Variants in PRKG1 observed in about 807,000 individuals in gnomAD.
PRKG1 encodes protein kinase cGMP-dependent 1, also known as cGMP-dependent protein kinase 1.
In PRKG1, 35 loss-of-function variants were observed where a neutral mutation model predicts 88.1. That is an observed-to-expected ratio of 0.40 (90% CI 0.30 to 0.53). The LOEUF (loss-of-function observed/expected upper bound fraction) is 0.53, where lower values mean the gene tolerates loss of function less well. Among genes scored for constraint, PRKG1 ranks in the 20% least tolerant of loss-of-function variants. The probability of loss-of-function intolerance (pLI) is 0.59; values close to 1 mark genes in which losing one functional copy is unlikely to be tolerated. For synonymous variants in PRKG1, 303 were observed against 292.5 expected, an observed-to-expected ratio of 1.04 and a Z score of -0.37; for missense variants, 540 against 839.8, an observed-to-expected ratio of 0.64 and a Z score of 4.41.
intron 2 of PRKG1, among the ~76,000 whole-genome samples, chr10:51,181,186 C>T (rs60615180): frequency 0.12 from 17,603 of 148,772 alleles, 1,230 homozygotes; most frequent in Middle Eastern, 0.27. Context: ...CCTGAAACAG[C>T]ACTTTGCAAA....
At chr10:51,804,736 A>G in intron 4 of PRKG1, 46 bp downstream of exon 4, 1 of 1,366,778 alleles carries the variant, frequency 7.3e-7, no homozygotes, top group Non-Finnish European at 1.0e-6. Flanking sequence ...CTTTCCTTTT[A>G]GCCCTATTAT....
intron 9 of PRKG1, among the ~76,000 whole-genome samples, chr10:52,239,365 C>CTT (rs5784913): frequency 6.9e-6 from 1 of 144,742 alleles, no homozygotes; most frequent in Non-Finnish European, 1.5e-5. Context: ...AAAGAGATTC[C>CTT]TTTTTTTGAG....
At chr10:51,746,487 C>A (rs900682716) in intron 3 of PRKG1, among the ~76,000 whole-genome samples, 1 of 151,748 alleles carries the variant, frequency 6.6e-6, no homozygotes, top group African/African-American at 2.4e-5. Context: ...TTTGGGAGGC[C>A]GAGGCGGGCA....
At chr10:51,741,286 G>C (rs1837427016) in intron 3 of PRKG1, among the ~76,000 whole-genome samples, 1 of 151,980 alleles carries the variant, frequency 6.6e-6, no homozygotes, top group African/African-American at 2.4e-5. Context: ...TTACTATTGG[G>C]AGCTCTGCAT....
chr10:51,680,960 A>T (rs1589191702), intron 3 of PRKG1, among the ~76,000 whole-genome samples: 1 of 152,194 alleles, frequency 6.6e-6, no homozygotes, highest in African/African-American at 2.4e-5. Context: ...TTATGTAAGG[A>T]TCTATTAAAA....
chr10:52,052,686 C>T (rs1360152872), intron 5 of PRKG1, among the ~76,000 whole-genome samples: 3 of 152,092 alleles, frequency 2.0e-5, no homozygotes, highest in Non-Finnish European at 4.4e-5. Flanking sequence ...GAGGAAACCC[C>T]TTATAAAACC....
chr10:52,243,727 G>A (rs531218056), intron 9 of PRKG1, among the ~76,000 whole-genome samples: 1 of 152,090 alleles, frequency 6.6e-6, no homozygotes. Flanking sequence ...TCTTCACAAA[G>A]AATCAGCCAG....
At chr10:51,841,654 A>T (rs1050872338) in intron 4 of PRKG1, among the ~76,000 whole-genome samples, 27 of 21,690 alleles carry the variant, frequency 1.2e-3, no homozygotes, top group Non-Finnish European at 2.0e-3. Flanking sequence ...GAATTTGTTA[A>T]AAAAAAAAGA....
intron 7 of PRKG1, among the ~76,000 whole-genome samples, chr10:52,082,179 C>T (rs968911259): frequency 2.0e-5 from 3 of 152,026 alleles, no homozygotes; most frequent in Admixed American, 2.0e-4. Context: ...GACTCAGTAT[C>T]GAAAGAACAG....
chr10:52,297,311 T>C lies in PRKG1; in HGVS notation c.*3411T>C, dbSNP rs1484889558. 2 of 152,230 alleles carry C rather than the reference T, an allele frequency of 1.3e-5. No individual in the cohort carries two copies. Among genetic ancestry groups the C allele is most frequent in the South Asian group, 2.1e-4 (1 of 4,830 alleles). 9.4% of individuals were successfully genotyped at this position (152,230 alleles called of 1,614,324 possible). ...TGTCAACTGTACTGTTATTCATCTG[T>C]CCCATAGTTTAGAACATGACCTGGC... On this transcript the variant is annotated 3_prime_UTR_variant, in exon 18 of 18. Transcript: ENST00000373980.
chr10:51,813,258 TG>T (rs1160048392), intron 4 of PRKG1, among the ~76,000 whole-genome samples: 3 of 152,194 alleles, frequency 2.0e-5, no homozygotes, highest in Non-Finnish European at 2.9e-5. Context: ...CATAAAATGA[TG>T]TATGACATAA....
intron 4 of PRKG1, among the ~76,000 whole-genome samples, chr10:51,845,705 G>A (rs529401097): frequency 1.4e-4 from 21 of 152,156 alleles, no homozygotes; most frequent in African/African-American, 3.1e-4. Context: ...GTGGTTTACG[G>A]TATAATCTCC....
chr10:52,230,484 C>G (rs537835375), intron 9 of PRKG1, among the ~76,000 whole-genome samples: 14 of 151,960 alleles, frequency 9.2e-5, no homozygotes, highest in Non-Finnish European at 1.6e-4. Flanking sequence ...TTGATCATAC[C>G]CATTAAACAG....
intron 5 of PRKG1, among the ~76,000 whole-genome samples, chr10:51,948,626 C>A (rs16925106): frequency 0.11 from 16,965 of 151,644 alleles, 1,203 homozygotes; most frequent in East Asian, 0.35. Context: ...TAAATTCAGT[C>A]TTGGTGACCT....
At chr10:51,949,885 A>C (rs1161705002) in intron 5 of PRKG1, among the ~76,000 whole-genome samples, 2 of 152,160 alleles carry the variant, frequency 1.3e-5, no homozygotes, top group African/African-American at 4.8e-5. Context: ...TTCCAGATAC[A>C]TTGTTATGTC....
At chr10:51,218,530 T>TATATAA (rs1426770954) in intron 2 of PRKG1, among the ~76,000 whole-genome samples, 1 of 62,570 alleles carries the variant, frequency 1.6e-5, no homozygotes, top group Non-Finnish European at 2.8e-5. Flanking sequence ...TATATATATA[T>TATATAA]AAAATGTGTG....
intron 1 of PRKG1, among the ~76,000 whole-genome samples, chr10:51,022,516 G>A (rs968338166): frequency 2.0e-5 from 3 of 151,994 alleles, no homozygotes; most frequent in African/African-American, 7.3e-5. Flanking sequence ...CTTCCTCTTG[G>A]ACACCTAGAG....
At chr10:51,058,583 T>C (rs1218361899) in intron 1 of PRKG1, among the ~76,000 whole-genome samples, 1 of 152,188 alleles carries the variant, frequency 6.6e-6, no homozygotes. Flanking sequence ...CTTGCTTCTC[T>C]AGGTTTGTAT....
At chr10:52,215,992 A>G (rs1410233166) in intron 9 of PRKG1, among the ~76,000 whole-genome samples, 1 of 152,162 alleles carries the variant, frequency 6.6e-6, no homozygotes, top group Non-Finnish European at 1.5e-5. Flanking sequence ...TTCAAGAAAC[A>G]TAAAGTGGCT....
Sources: gnomAD v4.1 joint callset for allele counts (sites outside exome capture counted in the v4.1 genomes callset) on GRCh38, gnomAD v4.1.1 for gene constraint, MANE v1.5 for transcripts, NCBI Gene and HGNC (gene_info 2026-07-23, HGNC 2026-07-21) for gene names.